PTPRG: variants seen among roughly 807,000 people sequenced by gnomAD.
The protein encoded by PTPRG is protein tyrosine phosphatase receptor type G.
In PTPRG, 102 loss-of-function variants were observed where a neutral mutation model predicts 165.3. That is an observed-to-expected ratio of 0.62 (90% CI 0.53 to 0.73). The LOEUF (loss-of-function observed/expected upper bound fraction) is 0.73. PTPRG is among the 30% of genes least tolerant of loss of function. The pLI is 0.00. For missense variants in PTPRG, 1,866 were observed against 1,861.4 expected, an observed-to-expected ratio of 1.00 and a Z score of -0.05; for synonymous variants, 675 against 669.5, an observed-to-expected ratio of 1.01 and a Z score of -0.13.
chr3:62,030,052 C>CATTTGTGT (rs1699712528), intron 4 of PTPRG, among the ~76,000 whole-genome samples: 2 of 152,168 alleles, frequency 1.3e-5, no homozygotes, highest in South Asian at 4.1e-4. Context: ...TTGCCTCTAT[C>CATTTGTGT]ATTTGTGTAT....
intron 1 of PTPRG, among the ~76,000 whole-genome samples, chr3:61,616,838 T>G (rs1701311434): frequency 6.6e-6 from 1 of 152,192 alleles, no homozygotes; most frequent in Admixed American, 6.5e-5. Context: ...TGCACCCATC[T>G]TGGGACTGAG....
At chr3:61,677,840 A>T (rs900856706) in intron 1 of PTPRG, among the ~76,000 whole-genome samples, 1 of 152,314 alleles carries the variant, frequency 6.6e-6, no homozygotes, top group Non-Finnish European at 1.5e-5. Context: ...TAAGTCAGTT[A>T]TAAAGAGTCC....
chr3:61,882,395 C>T (rs1189322779), intron 2 of PTPRG, among the ~76,000 whole-genome samples: 2 of 152,122 alleles, frequency 1.3e-5, no homozygotes, highest in African/African-American at 4.8e-5. Context: ...TCTGAGATGA[C>T]ACAGTTTGAA....
intron 5 of PTPRG, among the ~76,000 whole-genome samples, chr3:62,090,255 T>C (rs982014135): frequency 2.0e-5 from 3 of 152,198 alleles, no homozygotes; most frequent in African/African-American, 7.2e-5. Context: ...TTGGCATCCC[T>C]GAACACCATT....
At chr3:62,144,495 T>C (rs948599755) in intron 6 of PTPRG, among the ~76,000 whole-genome samples, 1 of 152,238 alleles carries the variant, frequency 6.6e-6, no homozygotes, top group African/African-American at 2.4e-5. Flanking sequence ...ACTGATAATT[T>C]TGAACATCTC....
intron 12 of PTPRG, among the ~76,000 whole-genome samples, chr3:62,208,824 C>T (rs1295827409): frequency 6.6e-6 from 1 of 152,254 alleles, no homozygotes; most frequent in African/African-American, 2.4e-5. Flanking sequence ...AACATTTGTG[C>T]TAGCCCTGCC....
At chr3:61,823,917 G>A (rs1484252243) in intron 2 of PTPRG, among the ~76,000 whole-genome samples, 1 of 152,056 alleles carries the variant, frequency 6.6e-6, no homozygotes, top group East Asian at 1.9e-4. Flanking sequence ...ACAAGGTCAG[G>A]AGATCGAGAC....
chr3:61,760,791 GTTC>G (rs2033810217), intron 2 of PTPRG, among the ~76,000 whole-genome samples: 1 of 152,086 alleles, frequency 6.6e-6, no homozygotes, highest in Non-Finnish European at 1.5e-5. Flanking sequence ...AGTGTGTGTT[GTTC>G]TTTTCCCTGT....
chr3:61,915,649 G>A (rs1033145830), intron 2 of PTPRG, among the ~76,000 whole-genome samples: 30 of 152,076 alleles, frequency 2.0e-4, no homozygotes, highest in African/African-American at 7.0e-4. Flanking sequence ...GGCCTTTTAG[G>A]AACATATTTT....
intron 1 of PTPRG, among the ~76,000 whole-genome samples, chr3:61,722,966 G>A (rs1471677933): frequency 6.6e-6 from 1 of 152,094 alleles, no homozygotes; most frequent in Non-Finnish European, 1.5e-5. Flanking sequence ...TATTTGTCGA[G>A]TGGGTTTCTC....
chr3:61,982,870 GT>G (rs1308913577), intron 2 of PTPRG, among the ~76,000 whole-genome samples: 1 of 152,102 alleles, frequency 6.6e-6, no homozygotes, highest in East Asian at 1.9e-4. Flanking sequence ...GAACAAAGTA[GT>G]TAGTTTCTAT....
At chr3:61,678,693 G>A (rs1703322465) in intron 1 of PTPRG, among the ~76,000 whole-genome samples, 1 of 152,048 alleles carries the variant, frequency 6.6e-6, no homozygotes, top group South Asian at 2.1e-4. Flanking sequence ...TAGAAAAACA[G>A]CACCCAACCT....
At chr3:62,145,703 C>A (rs1487238718) in intron 6 of PTPRG, among the ~76,000 whole-genome samples, 2 of 152,166 alleles carry the variant, frequency 1.3e-5, no homozygotes, top group African/African-American at 2.4e-5. Flanking sequence ...GCACCTAACC[C>A]TACCTGGATG....
intron 2 of PTPRG, among the ~76,000 whole-genome samples, chr3:61,778,438 A>T (rs1323127122): frequency 6.6e-6 from 1 of 152,000 alleles, no homozygotes. Context: ...GATACTTTCA[A>T]TTTTCCATCT....
chr3:61,997,053 T>C lies in PTPRG; in HGVS notation c.371-6296T>C, dbSNP rs371848661. The stretch of plus-strand genomic sequence containing the variant: ...AGACTCCTCCATCTTTCGTGTCTTA[T>C]ATGGTTAAAAGTGTTAACTAATCCA... On this transcript the variant is annotated intron_variant, in intron 3 of 29. Transcript: ENST00000474889. 1.6e-4 allele frequency among the ~76,000 whole-genome samples: 25 copies of C among 152,322 alleles called. No homozygotes were observed. The East Asian group carries it at 4.8e-3, about 29-fold the overall frequency.
At chr3:61,838,916 C>G (rs916777746) in intron 2 of PTPRG, among the ~76,000 whole-genome samples, 2 of 152,154 alleles carry the variant, frequency 1.3e-5, no homozygotes, top group Non-Finnish European at 2.9e-5. Flanking sequence ...AAAATCTAAG[C>G]TTTTCATGCT....
intron 6 of PTPRG, among the ~76,000 whole-genome samples, chr3:62,137,881 T>C (rs1459956788): frequency 1.3e-5 from 2 of 152,240 alleles, no homozygotes; most frequent in African/African-American, 4.8e-5. Context: ...CATCCACTTA[T>C]CGAGCTTTTT....
In PTPRG at chr3:62,271,449, T is replaced by G; in HGVS notation, c.3076T>G (p.Trp1026Gly). The G allele has an allele frequency of 4.3e-6, 7 of 1,613,684 alleles. No homozygotes were observed. The highest frequency in any genetic ancestry group is 5.9e-6 in the Non-Finnish European group (7 of 1,179,588). Residue 1026 changes from tryptophan (W) to glycine (G), a missense_variant, in exon 21 of 30, where the codon TGG (tryptophan) becomes GGG (glycine). This residue lies in a region of PTPRG where 1,452 missense variants were observed against 1,463.0 expected (regional missense o/e 0.99). Coordinates refer to ENST00000474889, the MANE Select transcript of PTPRG (RefSeq NM_002841.4). This position sits in a 1 kb window ranked among gnomAD's most constrained non-coding sequence, Gnocchi z 4.1. Reference protein sequence around the residue: ...RVVIQYHYTQWPDMGVPEYAL... With the variant: ...RVVIQYHYTQGPDMGVPEYAL... ...AGTGATCCAGTATCACTATACACAGTGGCCTGACATGGGAGTTCCCGAGTA... is the reference window on the plus strand; with the variant it reads ...AGTGATCCAGTATCACTATACACAGGGGCCTGACATGGGAGTTCCCGAGTA...
At chr3:61,620,040 A>G (rs549584323) in intron 1 of PTPRG, among the ~76,000 whole-genome samples, 2 of 152,264 alleles carry the variant, frequency 1.3e-5, no homozygotes, top group South Asian at 2.1e-4. Flanking sequence ...ATTTTGTTGC[A>G]TTTTGTATAC....
Sources: allele counts gnomAD v4.1 joint callset (sites outside exome capture counted in the v4.1 genomes callset), GRCh38; gene constraint gnomAD v4.1.1; regional missense constraint gnomAD v4.1.1; non-coding constraint Gnocchi (gnomAD v3.1); transcripts MANE v1.5; gene names NCBI Gene and HGNC (gene_info 2026-07-23, HGNC 2026-07-21).